SRBD1: variants seen among roughly 807,000 people sequenced by gnomAD.
SRBD1 encodes the protein S1 RNA-binding domain-containing protein 1.
Under a neutral mutation model 115.3 loss-of-function variants are expected in SRBD1, and 88 were observed. The observed-to-expected ratio is 0.76, with a 90% CI of 0.64 to 0.91. The LOEUF is 0.91. SRBD1 is among the 40% of genes least tolerant of loss of function. The pLI, the probability that SRBD1 is intolerant of heterozygous loss-of-function variation, is 0.00. For missense variants in SRBD1, 1,385 were observed against 1,177.4 expected (o/e 1.18, Z -2.58); for synonymous variants, 509 against 407.7 (o/e 1.25, Z -2.99).
At chr2:45,515,108 C>A (rs1490272167) in intron 14 of SRBD1, among the ~76,000 whole-genome samples, 2 of 152,092 alleles carry the variant, frequency 1.3e-5, no homozygotes, top group African/African-American at 2.4e-5. Flanking sequence ...TCCATGAGAA[C>A]ATGGGAACAA....
rs554281652 is a variant in SRBD1, at chr2:45,442,445, T to C, written c.2050-22551A>G. 4.7e-4 allele frequency among the ~76,000 whole-genome samples: 72 copies of C among 152,286 alleles called. 2 individuals are homozygous for C. The South Asian group carries it at 0.014, about 31-fold the overall frequency. The stretch of plus-strand genomic sequence containing the variant: ...TATCTCCCGTTCTGGGAGAATTAGG[T>C]GAAACCACACCCATTTGACCCACAG... On this transcript the variant is annotated intron_variant, in intron 16 of 20. Transcript: ENST00000263736.
intron 16 of SRBD1, among the ~76,000 whole-genome samples, chr2:45,440,083 G>A (rs1481208467): frequency 6.6e-6 from 1 of 151,940 alleles, no homozygotes; most frequent in African/African-American, 2.4e-5. Context: ...GACCACATAG[G>A]TAGTCAGTTA....
At chr2:45,427,785 C>G (rs1668202517) in intron 16 of SRBD1, among the ~76,000 whole-genome samples, 1 of 152,166 alleles carries the variant, frequency 6.6e-6, no homozygotes, top group Admixed American at 6.5e-5. Context: ...TTGGCTTCAT[C>G]TCTGGGATGC....
intron 14 of SRBD1, among the ~76,000 whole-genome samples, chr2:45,539,104 T>A (rs1572749862): frequency 6.6e-6 from 1 of 152,024 alleles, no homozygotes; most frequent in Admixed American, 6.6e-5. Flanking sequence ...ATAGCAAATT[T>A]TACATTTAAA....
rs1674031921 is a variant in SRBD1, at chr2:45,599,740, T to C, written c.357A>G (p.Lys119=). 1.2e-6 allele frequency: 2 copies of C among 1,614,108 alleles called. No homozygotes were observed. The highest frequency in any genetic ancestry group is 2.2e-5 in the South Asian group (2 of 91,088). ...GAACTGTATGTGGCTGCGCTGCACATTTCTGTTTTGTCTTGGCTGTTTTCA... is the reference window on the plus strand; with the variant it reads ...GAACTGTATGTGGCTGCGCTGCACACTTCTGTTTTGTCTTGGCTGTTTTCA... ...QTLKTAKTKQ[K]CAAQPHTVRR... Residue 119 remains lysine (K), a synonymous_variant, in exon 4 of 21, where the codon AAA becomes AAG. Coordinates refer to ENST00000263736, the MANE Select transcript of SRBD1 (RefSeq NM_018079.5).
intron 16 of SRBD1, among the ~76,000 whole-genome samples, chr2:45,458,582 CAA>C (rs1251839749): frequency 2.6e-5 from 4 of 152,122 alleles, no homozygotes; most frequent in Admixed American, 6.6e-5. Flanking sequence ...AGAAAAAAGA[CAA>C]AGACAGAAAC....
chr2:45,484,232 A>G (rs1444773052), intron 15 of SRBD1, among the ~76,000 whole-genome samples: 2 of 152,018 alleles, frequency 1.3e-5, no homozygotes, highest in Non-Finnish European at 2.9e-5. Flanking sequence ...AATGACTTTA[A>G]GTGTTTTGCC....
At chr2:45,394,206 T>C (rs1311208596) in intron 19 of SRBD1, among the ~76,000 whole-genome samples, 2 of 152,218 alleles carry the variant, frequency 1.3e-5, no homozygotes, top group Non-Finnish European at 2.9e-5. Flanking sequence ...TTTCTTTTAC[T>C]ATGTTTACCA....
At chr2:45,511,138 T>G (rs776424498) in intron 14 of SRBD1, among the ~76,000 whole-genome samples, 25 of 152,204 alleles carry the variant, frequency 1.6e-4, no homozygotes, top group African/African-American at 3.1e-4. Context: ...CTGTACAAGG[T>G]GCTCCAGGAA....
At chr2:45,475,442 T>G (rs528346953) in intron 16 of SRBD1, among the ~76,000 whole-genome samples, 27 of 152,310 alleles carry the variant, frequency 1.8e-4, no homozygotes, top group African/African-American at 6.3e-4. Flanking sequence ...AAACCTCTTC[T>G]ATTACTTCTC....
chr2:45,492,147 A>G (rs1478306866), intron 14 of SRBD1, among the ~76,000 whole-genome samples: 1 of 152,176 alleles, frequency 6.6e-6, no homozygotes, highest in African/African-American at 2.4e-5. Flanking sequence ...TATCTTAGGT[A>G]AAATTCAATG....
intron 11 of SRBD1, 116 bp from the exon 12 acceptor site, chr2:45,551,398 T>A: frequency 1.9e-6 from 2 of 1,065,358 alleles, no homozygotes; most frequent in South Asian, 3.2e-5. Flanking sequence ...TATAACAATA[T>A]AACTTAAGAG....
intron 16 of SRBD1, among the ~76,000 whole-genome samples, chr2:45,450,725 A>C (rs888432447): frequency 1.3e-5 from 2 of 152,136 alleles, no homozygotes; most frequent in African/African-American, 4.8e-5. Context: ...TTTGAAGGGA[A>C]AAAAGGCAAA....
intron 14 of SRBD1, among the ~76,000 whole-genome samples, chr2:45,545,136 C>T (rs1426937831): frequency 2.6e-5 from 4 of 151,602 alleles, no homozygotes; most frequent in South Asian, 2.1e-4. Context: ...AAAAATTAGC[C>T]GGGTGTGGTG....
chr2:45,586,620 A>T (rs1673531138), intron 4 of SRBD1, among the ~76,000 whole-genome samples: 1 of 152,006 alleles, frequency 6.6e-6, no homozygotes, highest in Non-Finnish European at 1.5e-5. Flanking sequence ...ACTGTGATTC[A>T]ATGCAACCTT....
chr2:45,410,370 C>A (rs930375795), intron 19 of SRBD1, among the ~76,000 whole-genome samples: 1 of 152,060 alleles, frequency 6.6e-6, no homozygotes, highest in Admixed American at 6.5e-5. Flanking sequence ...CAATTCCTCT[C>A]GTATGTATTT....
At chr2:45,595,191 G>C (rs1673856037) in intron 4 of SRBD1, among the ~76,000 whole-genome samples, 1 of 152,092 alleles carries the variant, frequency 6.6e-6, no homozygotes, top group South Asian at 2.1e-4. Flanking sequence ...TGACTATATA[G>C]TTCTGCCTCT....
intron 7 of SRBD1, among the ~76,000 whole-genome samples, chr2:45,575,281 T>C (rs1041005123): frequency 2.0e-5 from 3 of 152,356 alleles, no homozygotes; most frequent in African/African-American, 7.2e-5. Flanking sequence ...AGAGTTTTCA[T>C]GCAGTTGTTC....
chr2:45,578,517 C>G (rs1264594590), intron 7 of SRBD1, among the ~76,000 whole-genome samples: 2 of 152,152 alleles, frequency 1.3e-5, no homozygotes, highest in Non-Finnish European at 2.9e-5. Flanking sequence ...CACACCCACT[C>G]AGTTTTTTAA....
Sources: gnomAD v4.1 joint callset for allele counts (sites outside exome capture counted in the v4.1 genomes callset) on GRCh38, gnomAD v4.1.1 for gene constraint, MANE v1.5 for transcripts, NCBI Gene and HGNC (gene_info 2026-07-23, HGNC 2026-07-21) for gene names.